MMRN1: variants seen among roughly 807,000 people sequenced by gnomAD.
MMRN1 encodes the protein multimerin 1.
Under a neutral mutation model 100.7 loss-of-function variants are expected in MMRN1, and 94 were observed. That is an observed-to-expected ratio of 0.93 (90% confidence interval 0.79 to 1.11). The LOEUF (loss-of-function observed/expected upper bound fraction) is 1.11. MMRN1 is among the 50% of genes least tolerant of loss of function. MMRN1 has a pLI of 0.00. For missense variants in MMRN1, 1,606 were observed against 1,439.1 expected (o/e 1.12, Z -1.88); for synonymous variants, 575 against 505.0 (o/e 1.14, Z -1.86).
chr4:89,920,596 T>C (rs1020150991), intron 3 of MMRN1, among the ~76,000 whole-genome samples: 1 of 152,140 alleles, frequency 6.6e-6, no homozygotes, highest in African/African-American at 2.4e-5. Flanking sequence ...CTTTATTAAA[T>C]CTGTCTTCAA....
chr4:89,934,010 C>T (rs908380427), intron 5 of MMRN1, among the ~76,000 whole-genome samples: 1 of 151,864 alleles, frequency 6.6e-6, no homozygotes, highest in Non-Finnish European at 1.5e-5. Context: ...TAGTCCAGTA[C>T]ACTTTTCCTG....
intron 3 of MMRN1, among the ~76,000 whole-genome samples, chr4:89,913,932 A>G (rs370576246): frequency 2.0e-5 from 3 of 151,430 alleles, no homozygotes; most frequent in African/African-American, 4.8e-5. Flanking sequence ...CAATTCTAAT[A>G]TAGCTTTGAT....
At chr4:89,882,010 T>C (rs549116902) in intron 1 of MMRN1, among the ~76,000 whole-genome samples, 5 of 152,032 alleles carry the variant, frequency 3.3e-5, no homozygotes, top group African/African-American at 1.2e-4. Context: ...TCTCTCTAAA[T>C]TTAAGCTAAA....
At chr4:89,883,434 A>T (rs1720865394) in intron 1 of MMRN1, among the ~76,000 whole-genome samples, 1 of 152,034 alleles carries the variant, frequency 6.6e-6, no homozygotes, top group Middle Eastern at 3.2e-3. Context: ...AGGTCTCTTA[A>T]TGGGTGTGAA....
At position 89,951,616 on chromosome 4, in the gene MMRN1, A is replaced by G. The variant is rs1222372546; in HGVS notation, c.3130A>G (p.Ser1044Gly). 5.6e-5 allele frequency: 85 copies of G among 1,513,440 alleles called. No individual in the cohort carries two copies. Among genetic ancestry groups the G allele is most frequent in the Non-Finnish European group, 7.1e-5 (81 of 1,134,782 alleles). The allele number at this position is 1,513,440 out of a possible 1,614,324, so 93.8% of individuals were successfully genotyped here. A position where few individuals can be genotyped will look rare whatever the true frequency, so the allele number is the denominator to read the frequency against. The change falls in exon 7 of 8, where the codon AGC (serine) becomes GGC (glycine). Residue 1044 changes from serine to glycine, a missense_variant. Coordinates refer to ENST00000264790, the MANE Select transcript of MMRN1 (RefSeq NM_007351.3). ...TTTTTCCGTAACAGAGGAGTATTCA[A>G]GCTGTAGTCGGCATCCGTGCCAAAA... ...DNIIYPEEYS[S>G]CSRHPCQNGG... is the part of the protein sequence containing the mutation.
chr4:89,951,222 C>A (rs1723161413), intron 6 of MMRN1, among the ~76,000 whole-genome samples: 1 of 152,060 alleles, frequency 6.6e-6, no homozygotes, highest in Admixed American at 6.6e-5. Flanking sequence ...TTCAATACCA[C>A]CTTAGCACCA....
At chr4:89,950,461 G>A (rs913615471) in intron 6 of MMRN1, among the ~76,000 whole-genome samples, 3 of 152,198 alleles carry the variant, frequency 2.0e-5, no homozygotes, top group Middle Eastern at 6.8e-3. Flanking sequence ...AGCCAGCATT[G>A]CATGAAAAGG....
At position 89,935,831 on chromosome 4, in the gene MMRN1, C is replaced by A. The variant is rs147920826; in HGVS notation, c.2151C>A (p.Ile717=). The A allele has an allele frequency of 6.2e-7, 1 of 1,613,018 alleles. No homozygotes were observed. Among genetic ancestry groups the A allele is most frequent in the Admixed American group, 1.7e-5 (1 of 59,904 alleles). ...QGRDDALERR[I]NEYALEMEDG... ...GTGATGATGCCTTAGAAAGACGTAT[C>A]AATGAATATGCCTTAGAAATGGAAG... Residue 717 remains isoleucine (I), a synonymous_variant, in exon 6 of 8, where the codon ATC becomes ATA. Transcript: ENST00000264790.
At chr4:89,901,006 G>T (rs1452749239) in intron 1 of MMRN1, among the ~76,000 whole-genome samples, 1 of 151,942 alleles carries the variant, frequency 6.6e-6, no homozygotes, top group Admixed American at 6.6e-5. Flanking sequence ...TCAACAGTGT[G>T]AAATGCTGCT....
chr4:89,903,668 CG>C (rs1316006016), intron 1 of MMRN1, among the ~76,000 whole-genome samples: 1 of 151,722 alleles, frequency 6.6e-6, no homozygotes, highest in Non-Finnish European at 1.5e-5. Flanking sequence ...TCACGACAAT[CG>C]TGTGAGGTAG....
chr4:89,908,454 G>A (rs6858182), intron 1 of MMRN1, among the ~76,000 whole-genome samples: 9,557 of 151,514 alleles, frequency 0.063, 556 homozygotes, highest in East Asian at 0.3. Flanking sequence ...CATAGAATTT[G>A]AAGATTAATT....
At chr4:89,897,179 C>T (rs1418294038) in intron 1 of MMRN1, among the ~76,000 whole-genome samples, 1 of 151,642 alleles carries the variant, frequency 6.6e-6, no homozygotes. Flanking sequence ...TCATGGGAAA[C>T]GATTGTGAGC....
rs1373838029 is a variant in MMRN1, at chr4:89,905,210, T to A, written c.624-4066T>A. On this transcript the variant is annotated intron_variant, in intron 1 of 7. Transcript: ENST00000264790. Reference sequence around the variant, plus strand: ...ACTTCAGGAGTTTAGTGTAAAATGATGTACAACACTATTATTTCATAATTT... The same window carrying A: ...ACTTCAGGAGTTTAGTGTAAAATGAAGTACAACACTATTATTTCATAATTT... 6.6e-5 allele frequency among the ~76,000 whole-genome samples: 10 copies of A among 151,602 alleles called. No homozygotes were observed. The Admixed American group carries it at 6.6e-4, about 10-fold the overall frequency.
intron 1 of MMRN1, among the ~76,000 whole-genome samples, chr4:89,895,843 A>G (rs1392911556): frequency 6.6e-6 from 1 of 152,214 alleles, no homozygotes; most frequent in East Asian, 1.9e-4. Context: ...TTATAGAGGT[A>G]GTTTTACTTA....
At chr4:89,915,726 G>T (rs1443459722) in intron 3 of MMRN1, among the ~76,000 whole-genome samples, 3 of 151,604 alleles carry the variant, frequency 2.0e-5, no homozygotes, top group Non-Finnish European at 4.4e-5. Flanking sequence ...GAGAGTAACT[G>T]TCCTGGGAGA....
intron 3 of MMRN1, among the ~76,000 whole-genome samples, chr4:89,916,376 A>G (rs63472760): frequency 7.1e-6 from 1 of 139,870 alleles, no homozygotes; most frequent in African/African-American, 2.7e-5. Context: ...AAAAAAAAAA[A>G]CAAACAAACA....
chr4:89,888,674 C>T (rs1720988030), intron 1 of MMRN1, among the ~76,000 whole-genome samples: 1 of 151,944 alleles, frequency 6.6e-6, no homozygotes, highest in South Asian at 2.1e-4. Context: ...TCTCTTCTGA[C>T]CTATTTTCAA....
At chr4:89,947,073 G>T (rs1578505297) in intron 6 of MMRN1, among the ~76,000 whole-genome samples, 1 of 152,132 alleles carries the variant, frequency 6.6e-6, no homozygotes, top group South Asian at 2.1e-4. Context: ...CCTGAGGTTG[G>T]AAGTTTGAGA....
intron 1 of MMRN1, among the ~76,000 whole-genome samples, chr4:89,884,060 G>A (rs1026459787): frequency 6.6e-6 from 1 of 151,852 alleles, no homozygotes; most frequent in Admixed American, 6.6e-5. Context: ...GGACTATTTT[G>A]TCCCGGTGCT....
Sources: allele counts gnomAD v4.1 joint callset (sites outside exome capture counted in the v4.1 genomes callset), GRCh38; gene constraint gnomAD v4.1.1; transcripts MANE v1.5; gene names NCBI Gene and HGNC (gene_info 2026-07-23, HGNC 2026-07-21).